Variants in ADAMTS12 observed in about 807,000 individuals in gnomAD.
ADAMTS12 encodes ADAM metallopeptidase with thrombospondin type 1 motif 12.
A neutral mutation model predicts 167.8 loss-of-function variants in ADAMTS12; 118 were observed. The ratio of observed to expected loss-of-function variants is 0.70; its 90% CI spans 0.61 to 0.82. The LOEUF is 0.82. Ranked by LOEUF, ADAMTS12 falls within the 40% of genes least tolerant of loss-of-function variation. The pLI, the probability that ADAMTS12 is intolerant of heterozygous loss-of-function variation, is 0.00. For missense variants in ADAMTS12, 1,916 were observed against 1,998.8 expected, an observed-to-expected ratio of 0.96 and a Z score of 0.79; for synonymous variants, 704 against 716.9, an observed-to-expected ratio of 0.98 and a Z score of 0.29.
chr5:33,619,073 G>T (rs1315264061), intron 14 of ADAMTS12, among the ~76,000 whole-genome samples: 3 of 152,314 alleles, frequency 2.0e-5, no homozygotes, highest in East Asian at 1.9e-4. Context: ...CTTTGGTGCT[G>T]AGTTCATGGG....
chr5:33,624,178 C>A, intron 14 of ADAMTS12, 53 bp downstream of exon 14: 1 of 1,608,654 alleles, frequency 6.2e-7, no homozygotes, highest in South Asian at 1.1e-5. Context: ...AACCATTTAT[C>A]TTGCCCCCCA....
At chr5:33,751,175 G>C in intron 3 of ADAMTS12, 1 of 536,686 alleles carries the variant, frequency 1.9e-6, no homozygotes, top group South Asian at 3.1e-5. Flanking sequence ...TTCTCATTAA[G>C]AATATGCAGA....
chr5:33,783,017 C>T (rs1044357117), intron 2 of ADAMTS12, among the ~76,000 whole-genome samples: 4 of 151,956 alleles, frequency 2.6e-5, no homozygotes, highest in Non-Finnish European at 4.4e-5. Context: ...AGACCATATG[C>T]TAGGCTATAA....
chr5:33,588,850 T>TA (rs759814598), intron 17 of ADAMTS12, 41 bp from the exon 18 acceptor site: 15 of 1,603,806 alleles, frequency 9.4e-6, no homozygotes, highest in African/African-American at 1.3e-5. Context: ...ATCGCCAACT[T>TA]ACGCATATGT....
At chr5:33,780,578 G>A (rs574337487) in intron 2 of ADAMTS12, among the ~76,000 whole-genome samples, 11 of 152,234 alleles carry the variant, frequency 7.2e-5, no homozygotes, top group Admixed American at 2.0e-4. Context: ...GTAGATTGAC[G>A]CAAAAAGAAA....
intron 2 of ADAMTS12, among the ~76,000 whole-genome samples, chr5:33,812,160 G>A (rs1747486425): frequency 6.6e-6 from 1 of 152,104 alleles, no homozygotes; most frequent in African/African-American, 2.4e-5. Context: ...TTGGTGATAT[G>A]TGCCTGTGGT....
intron 1 of ADAMTS12, among the ~76,000 whole-genome samples, chr5:33,883,108 C>T (rs1750510578): frequency 6.6e-6 from 1 of 152,110 alleles, no homozygotes; most frequent in Non-Finnish European, 1.5e-5. Flanking sequence ...AACCCTCATG[C>T]CCTTACTTTC....
chr5:33,774,249 T>C (rs1002555866), intron 2 of ADAMTS12, among the ~76,000 whole-genome samples: 1 of 152,254 alleles, frequency 6.6e-6, no homozygotes, highest in East Asian at 1.9e-4. Context: ...CAGACATTCC[T>C]GCCCATGGAC....
chr5:33,629,099 A>T (rs774180953), intron 13 of ADAMTS12, among the ~76,000 whole-genome samples: 34 of 152,130 alleles, frequency 2.2e-4, no homozygotes, highest in Non-Finnish European at 4.0e-4. Context: ...TGATGTTTTA[A>T]AATCTCCCCT....
chr5:33,798,267 T>A (rs1385231296), intron 2 of ADAMTS12, among the ~76,000 whole-genome samples: 1 of 151,882 alleles, frequency 6.6e-6, no homozygotes, highest in Non-Finnish European at 1.5e-5. Context: ...CTGGGTGGCT[T>A]AAACAACAGA....
chr5:33,546,036 A>C, intron 22 of ADAMTS12, 23 bp downstream of exon 22: 1 of 1,578,492 alleles, frequency 6.3e-7, no homozygotes, highest in East Asian at 2.2e-5. Context: ...AAAGTAAAAA[A>C]AGTATGTATA....
chr5:33,569,159 G>A (rs547933868), intron 19 of ADAMTS12, among the ~76,000 whole-genome samples: 2 of 152,238 alleles, frequency 1.3e-5, no homozygotes, highest in East Asian at 1.9e-4. Context: ...CTCCACTTCT[G>A]GGGGCAGGGC....
chr5:33,767,550 T>C, intron 2 of ADAMTS12, among the ~76,000 whole-genome samples: 1 of 152,198 alleles, frequency 6.6e-6, no homozygotes, highest in East Asian at 1.9e-4. Context: ...ATTGGTAACA[T>C]GTTTTAACTA....
At chr5:33,728,432 C>T (rs542583404) in intron 3 of ADAMTS12, among the ~76,000 whole-genome samples, 2 of 152,258 alleles carry the variant, frequency 1.3e-5, no homozygotes, top group South Asian at 2.1e-4. Flanking sequence ...CCCTCCTGTC[C>T]GAATCAGCCT....
chr5:33,699,017 TGTG>T (rs1382637413), intron 3 of ADAMTS12, among the ~76,000 whole-genome samples: 1 of 151,912 alleles, frequency 6.6e-6, no homozygotes, highest in Non-Finnish European at 1.5e-5. Flanking sequence ...ATTAGCCAGG[TGTG>T]GTGGTGGGCA....
intron 3 of ADAMTS12, among the ~76,000 whole-genome samples, chr5:33,743,167 A>C (rs1345480263): frequency 1.3e-5 from 2 of 152,160 alleles, no homozygotes; most frequent in Non-Finnish European, 2.9e-5. Flanking sequence ...GAGAGGCAGA[A>C]AAGGAAGGGG....
rs114401234 is a variant in ADAMTS12 at position 33,786,388 on chromosome 5, C to A, written c.490-34840G>T. 8.0e-3 allele frequency among the ~76,000 whole-genome samples: 1,199 copies of A among 150,628 alleles called. 17 individuals carry two copies. The highest frequency in any genetic ancestry group is 0.028 in the African/African-American group (1,149 of 40,982). ...TTCTTTGGGTTTAATGGTTTTCCAACAAGGGTAAAGGGCAGAGATGGGGAG... is the reference window on the plus strand; with the variant it reads ...TTCTTTGGGTTTAATGGTTTTCCAAAAAGGGTAAAGGGCAGAGATGGGGAG... On this transcript the variant is annotated intron_variant, in intron 2 of 23. Transcript: ENST00000504830.
At chr5:33,711,483 A>G (rs899757575) in intron 3 of ADAMTS12, among the ~76,000 whole-genome samples, 12 of 152,130 alleles carry the variant, frequency 7.9e-5, no homozygotes, top group Admixed American at 5.9e-4. Context: ...TGGCCCTGTC[A>G]GGTCTCACAC....
intron 2 of ADAMTS12, among the ~76,000 whole-genome samples, chr5:33,845,533 T>C (rs1336284992): frequency 1.3e-5 from 2 of 152,182 alleles, no homozygotes; most frequent in African/African-American, 4.8e-5. Flanking sequence ...AGTACAGACA[T>C]AAGCATAAGA....
Sources: gnomAD v4.1 joint callset for allele counts (sites outside exome capture counted in the v4.1 genomes callset) on GRCh38, gnomAD v4.1.1 for gene constraint, MANE v1.5 for transcripts, NCBI Gene and HGNC (gene_info 2026-07-23, HGNC 2026-07-21) for gene names.